ASXL1: variants seen among roughly 807,000 people sequenced by gnomAD.
The protein encoded by ASXL1 is ASXL transcriptional regulator 1.
Under a neutral mutation model 89.1 loss-of-function variants are expected in ASXL1, and 65 were observed. That is an observed-to-expected ratio of 0.73 (90% CI 0.60 to 0.90). The LOEUF (loss-of-function observed/expected upper bound fraction) is 0.90, where lower values mean the gene tolerates loss of function less well. Among genes scored for constraint, ASXL1 ranks in the 40% least tolerant of loss-of-function variants. The pLI is 0.00. For synonymous variants in ASXL1, 739 were observed against 746.9 expected, an observed-to-expected ratio of 0.99 and a Z score of 0.17; for missense variants, 1,786 against 1,942.9, an observed-to-expected ratio of 0.92 and a Z score of 1.52.
chr20:32,381,538 G>A (rs1362814823), intron 4 of ASXL1, among the ~76,000 whole-genome samples: 5 of 141,226 alleles, frequency 3.5e-5, no homozygotes, highest in African/African-American at 1.1e-4. Context: ...TTTTTGAGAC[G>A]GAGTCTCGCT....
At chr20:32,426,185 C>T (rs1400307521) in intron 4 of ASXL1, among the ~76,000 whole-genome samples, 2 of 152,044 alleles carry the variant, frequency 1.3e-5, no homozygotes, top group Admixed American at 6.6e-5. Context: ...GTGTAAATCT[C>T]GTATTGGGAT....
At chr20:32,395,438 ATTTTCT>A (rs1569277323) in intron 4 of ASXL1, among the ~76,000 whole-genome samples, 1 of 150,992 alleles carries the variant, frequency 6.6e-6, no homozygotes. Context: ...AATTTTTAAG[ATTTTCT>A]TTTTATCACT....
At chr20:32,374,917 G>GT (rs1417955547) in intron 4 of ASXL1, among the ~76,000 whole-genome samples, 2 of 152,120 alleles carry the variant, frequency 1.3e-5, no homozygotes, top group African/African-American at 2.4e-5. Flanking sequence ...AATTGAGGCA[G>GT]TACCATAGTC....
intron 4 of ASXL1, chr20:32,427,008 A>G (rs1395620887): frequency 1.3e-5 from 2 of 152,194 alleles, no homozygotes; most frequent in Non-Finnish European, 2.9e-5. Context: ...GTGCCTTTTT[A>G]GCAGAATCAT....
chr20:32,393,386 G>A (rs1030812435), intron 4 of ASXL1, among the ~76,000 whole-genome samples: 1 of 151,946 alleles, frequency 6.6e-6, no homozygotes, highest in African/African-American at 2.4e-5. Flanking sequence ...TTTTTCCCAG[G>A]CATCATGTGT....
At chr20:32,409,924 AT>A (rs1335036528) in intron 4 of ASXL1, among the ~76,000 whole-genome samples, 4 of 152,044 alleles carry the variant, frequency 2.6e-5, no homozygotes, top group African/African-American at 9.7e-5. Context: ...TTATGACTTA[AT>A]TTTTTTTAAA....
At chr20:32,379,657 C>G (rs1454714786) in intron 4 of ASXL1, among the ~76,000 whole-genome samples, 1 of 150,970 alleles carries the variant, frequency 6.6e-6, no homozygotes, top group Non-Finnish European at 1.5e-5. Flanking sequence ...GAAACCCCGT[C>G]TGTACTAAAA....
rs2011509477 is a variant in ASXL1 at position 32,431,418 on chromosome 20, C to T, written c.816C>T (p.Thr272=). 6.2e-7 allele frequency: 1 copy of T among 1,614,234 alleles called. No individual in the cohort carries two copies. The highest frequency in any genetic ancestry group is 8.5e-7 in the Non-Finnish European group (1 of 1,180,048). Residue 272 remains threonine, a synonymous_variant, in exon 9 of 13, where the codon ACC becomes ACT. Coordinates refer to ENST00000375687, the MANE Select transcript of ASXL1 (RefSeq NM_015338.6). The part of the protein sequence containing the change: ...TNLRALINSR[T]FHALPSHFQQ... ...TCCGTGCCCTGATCAACTCTCGGACCTTCCATGCCTTACCATCACACTTCC... is the reference window on the plus strand; with the variant it reads ...TCCGTGCCCTGATCAACTCTCGGACTTTCCATGCCTTACCATCACACTTCC...
chr20:32,426,173 C>T (rs4911229), intron 4 of ASXL1, among the ~76,000 whole-genome samples: 57,720 of 151,902 alleles, frequency 0.38, 11,539 homozygotes, highest in East Asian at 0.74. Context: ...TTTTCATGTC[C>T]TGTGTAAATC....
chr20:32,434,592 C>T lies in ASXL1; in HGVS notation c.1880C>T (p.Ala627Val), dbSNP rs1162384519. ...GCCCGTGCTCTGCAGGTCCGAGGGGCGAGAGGTCACCACTGCCATAGAGAG... is the reference window on the plus strand; with the variant it reads ...GCCCGTGCTCTGCAGGTCCGAGGGGTGAGAGGTCACCACTGCCATAGAGAG... ...IKARALQVRG[A>V]RGHHCHREAA... The change falls in exon 13 of 13, where the codon GCG becomes GTG. Residue 627 changes from alanine to valine, a missense_variant. This residue lies in a region of ASXL1 where 1,418 missense variants were observed against 1,427.8 expected (regional missense o/e 0.99). Transcript: ENST00000375687. 6.2e-7 allele frequency: 1 copy of T among 1,612,920 alleles called. No homozygotes were observed. The highest frequency in any genetic ancestry group is 8.5e-7 in the Non-Finnish European group (1 of 1,179,856).
chr20:32,396,174 A>G (rs977655617), intron 4 of ASXL1, among the ~76,000 whole-genome samples: 1 of 152,130 alleles, frequency 6.6e-6, no homozygotes, highest in Admixed American at 6.5e-5. Flanking sequence ...ATAACTTTTC[A>G]TAATCTCTTC....
chr20:32,408,957 A>AT (rs1042841199), intron 4 of ASXL1, among the ~76,000 whole-genome samples: 1 of 151,482 alleles, frequency 6.6e-6, no homozygotes, highest in African/African-American at 2.4e-5. Flanking sequence ...AAGTATTTTT[A>AT]TTTTTTTAAT....
At position 32,437,479 on chromosome 20, in the gene ASXL1, TA is replaced by T; in HGVS notation, c.*144del. The T allele has an allele frequency of 7.6e-7, 1 of 1,314,378 alleles. No homozygotes were observed. Among genetic ancestry groups the T allele is most frequent in the Non-Finnish European group, 1.1e-6 (1 of 936,562 alleles). The allele number at this position is 1,314,378 out of a possible 1,614,324, so 81.4% of individuals were successfully genotyped here. A position where few individuals can be genotyped will look rare whatever the true frequency, so the allele number is the denominator to read the frequency against. Reference sequence around the variant, plus strand: ...TGCCTTCCCCCAAAATTTACACTGCTAAAGCCCTCTGTCACTTGGCGACCCT... The same window carrying T: ...TGCCTTCCCCCAAAATTTACACTGCTAAGCCCTCTGTCACTTGGCGACCCT... On this transcript the variant is annotated 3_prime_UTR_variant, in exon 13 of 13. Coordinates refer to ENST00000375687, the MANE Select transcript of ASXL1 (RefSeq NM_015338.6).
chr20:32,378,276 T>C (rs1169567658), intron 4 of ASXL1, among the ~76,000 whole-genome samples: 2 of 151,482 alleles, frequency 1.3e-5, no homozygotes, highest in Non-Finnish European at 2.9e-5. Context: ...CACCTTGACC[T>C]CCCAAAGTGC....
At chr20:32,403,458 G>A (rs1457727639) in intron 4 of ASXL1, among the ~76,000 whole-genome samples, 1 of 151,992 alleles carries the variant, frequency 6.6e-6, no homozygotes, top group Admixed American at 6.6e-5. Flanking sequence ...TGTTTTGCCC[G>A]GGCTGGGGTG....
chr20:32,414,984 TTTTG>T (rs140588275), intron 4 of ASXL1, among the ~76,000 whole-genome samples: 4,915 of 150,952 alleles, frequency 0.033, 209 homozygotes, highest in African/African-American at 0.1. Context: ...TTCTGGTGTT[TTTTG>T]TTTGTTTGTT....
In ASXL1 at chr20:32,433,378, C is replaced by T. The variant is rs534065676; in HGVS notation, c.1180C>T (p.Arg394Cys). The change falls in exon 12 of 13, where the codon CGT (arginine) becomes TGT (cysteine). Residue 394 changes from arginine to cysteine, a missense_variant. Arg to Cys is a radical substitution (Grantham distance 180, BLOSUM62 -3). This residue lies in a region of ASXL1 where 1,418 missense variants were observed against 1,427.8 expected (regional missense o/e 0.99). Coordinates refer to ENST00000375687, the MANE Select transcript of ASXL1 (RefSeq NM_015338.6). ...SGLCVPGESV[R>C]IQRGPATRQR... The stretch of plus-strand genomic sequence containing the variant: ...CTTGTGTGTCCCAGGAGAATCAGTG[C>T]GTATACAGCGTGGTCCAGCCACCCG... The T allele has an allele frequency of 1.6e-5, 26 of 1,614,136 alleles. No homozygotes were observed. The highest frequency in any genetic ancestry group is 1.3e-4 in the South Asian group (12 of 91,088).
chr20:32,386,554 A>AT (rs2048582371), intron 4 of ASXL1, among the ~76,000 whole-genome samples: 1 of 151,956 alleles, frequency 6.6e-6, no homozygotes, highest in Non-Finnish European at 1.5e-5. Flanking sequence ...AATAGCTGGG[A>AT]TTACAGGTGT....
chr20:32,381,394 G>A lies in ASXL1; in HGVS notation c.252+12271G>A, dbSNP rs62206878. ...CAATTTTTTTATTTGTAGAGAAGAGGTCTTACTGTGTTGCCCAGAATGGTG... is the reference window on the plus strand; with the variant it reads ...CAATTTTTTTATTTGTAGAGAAGAGATCTTACTGTGTTGCCCAGAATGGTG... On this transcript the variant is annotated intron_variant, in intron 4 of 12. Coordinates refer to ENST00000375687, the MANE Select transcript of ASXL1 (RefSeq NM_015338.6). Among the ~76,000 whole-genome samples, 1,454 of 151,888 alleles carry A rather than the reference G, an allele frequency of 9.6e-3. 14 individuals are homozygous for A. Among genetic ancestry groups the A allele is most frequent in the African/African-American group, 0.023 (951 of 41,428 alleles).
Sources: gnomAD v4.1 joint callset for allele counts (sites outside exome capture counted in the v4.1 genomes callset) on GRCh38, gnomAD v4.1.1 for gene constraint, gnomAD v4.1.1 regional missense constraint, MANE v1.5 for transcripts, NCBI Gene and HGNC (gene_info 2026-07-23, HGNC 2026-07-21) for gene names.